STAB1: variants seen among roughly 807,000 people sequenced by gnomAD.
STAB1 encodes stabilin 1, also known as stabilin-1.
A neutral mutation model predicts 332.4 loss-of-function variants in STAB1; 250 were observed. The observed-to-expected ratio is 0.75, with a 90% CI of 0.68 to 0.84. STAB1 has a LOEUF of 0.84. Among genes scored for constraint, STAB1 ranks in the 40% least tolerant of loss-of-function variants. The probability of loss-of-function intolerance (pLI) is 0.00; values close to 1 mark genes in which losing one functional copy is unlikely to be tolerated. For missense variants in STAB1, 3,249 were observed against 3,489.7 expected (o/e 0.93, Z 1.74); for synonymous variants, 1,475 against 1,390.4 (o/e 1.06, Z -1.35).
At chr3:52,496,481 C>T (rs918992579) in intron 1 of STAB1, among the ~76,000 whole-genome samples, 24 of 152,230 alleles carry the variant, frequency 1.6e-4, no homozygotes, top group Non-Finnish European at 2.8e-4. Context: ...CACCATCAGG[C>T]GCTTTCTCTT....
chr3:52,518,441 C>T (rs1434605062), intron 46 of STAB1, 82 bp downstream of exon 46: 1 of 1,570,570 alleles, frequency 6.4e-7, no homozygotes, highest in Non-Finnish European at 8.6e-7. Context: ...AGGGGGTTGG[C>T]TGGTTTGTTC....
At chr3:52,508,448 A>C (rs1233368096) in intron 21 of STAB1, 89 bp downstream of exon 21, 2 of 1,242,298 alleles carry the variant, frequency 1.6e-6, no homozygotes, top group Admixed American at 3.8e-5. Context: ...GTCTGGGCCA[A>C]GCCTGCCACT....
At chr3:52,495,712 T>G (rs900901983) in intron 1 of STAB1, among the ~76,000 whole-genome samples, 2 of 152,110 alleles carry the variant, frequency 1.3e-5, no homozygotes, top group African/African-American at 4.8e-5. Flanking sequence ...CAGCCCACCC[T>G]CCTCTGACTA....
At position 52,516,241 on chromosome 3, in the gene STAB1, G is replaced by A; in HGVS notation, c.4144+3G>A. ...CTACGGGCCCAACTGCACCGGAGGT[G>A]AGGACTGGGGAGGGGCGGGGGTGGG... On this transcript the variant is annotated splice_donor_region_variant and intron_variant, in intron 38 of 68. Coordinates refer to ENST00000321725, the MANE Select transcript of STAB1 (RefSeq NM_015136.3). 4 of 1,609,656 alleles carry A rather than the reference G, an allele frequency of 2.5e-6. No individual in the cohort carries two copies. Among genetic ancestry groups the A allele is most frequent in the Non-Finnish European group, 3.4e-6 (4 of 1,178,470 alleles).
chr3:52,512,289 G>A lies in STAB1; in HGVS notation c.2884-52G>A. 4.5e-6 allele frequency: 7 copies of A among 1,553,220 alleles called. No individual in the cohort carries two copies. In the South Asian group the frequency reaches 7.8e-5, roughly 17 times the overall value. ...AGGCAGAAAGATGGGGGAGGGAGGG[G>A]CCCAGCTGCCATCTGGTTCTGAATG... On this transcript the variant is annotated intron_variant, in intron 26 of 68. Transcript: ENST00000321725.
intron 1 of STAB1, among the ~76,000 whole-genome samples, chr3:52,499,385 C>T (rs111780039): frequency 9.3e-4 from 141 of 152,374 alleles, no homozygotes; most frequent in African/African-American, 3.1e-3. Flanking sequence ...GTGCCCATGC[C>T]GTGGTGGCAG....
chr3:52,522,309 C>T, intron 59 of STAB1, 21 bp from the exon 60 acceptor site: 1 of 1,612,606 alleles, frequency 6.2e-7, no homozygotes, highest in Non-Finnish European at 8.5e-7. Flanking sequence ...GAAGGGCGCC[C>T]ACTGCTCTCT....
chr3:52,515,174 C>A, intron 36 of STAB1, 129 bp downstream of exon 36: 1 of 1,219,768 alleles, frequency 8.2e-7, no homozygotes, highest in Non-Finnish European at 1.2e-6. Context: ...AACTGGGTGG[C>A]TGACGTCCCC....
At position 52,509,855 on chromosome 3, in the gene STAB1, A is replaced by G. The variant is rs1316199334; in HGVS notation, c.2348-15A>G. On this transcript the variant is annotated splice_polypyrimidine_tract_variant and intron_variant, in intron 22 of 68. Coordinates refer to ENST00000321725, the MANE Select transcript of STAB1 (RefSeq NM_015136.3). Reference sequence around the variant, plus strand: ...CCTGCTTCTCAGTTTCCTTGCTCCCATCTACTCCATACAGACTGCGGCTGT... The same window carrying G: ...CCTGCTTCTCAGTTTCCTTGCTCCCGTCTACTCCATACAGACTGCGGCTGT... 1.2e-5 allele frequency: 19 copies of G among 1,612,664 alleles called. No homozygotes were observed. The highest frequency in any genetic ancestry group is 1.4e-5 in the Non-Finnish European group (17 of 1,179,958).
In STAB1 at chr3:52,520,288, G is replaced by T. The variant is rs7630214; in HGVS notation, c.5497G>T (p.Ala1833Ser). 6.2e-7 allele frequency: 1 copy of T among 1,613,090 alleles called. No individual in the cohort carries two copies. Among genetic ancestry groups the T allele is most frequent in the South Asian group, 1.1e-5 (1 of 91,092 alleles). Reference sequence around the variant, plus strand: ...CTCTTTCTCCTGCAGCCGAACGCGGGCCGTGAGTCTGGGGAGAGGGCTTGG... The same window carrying T: ...CTCTTTCTCCTGCAGCCGAACGCGGTCCGTGAGTCTGGGGAGAGGGCTTGG... Reference protein sequence around the residue: ...PISFSCSRTRAGELMVGEDDA... With the variant: ...PISFSCSRTRSGELMVGEDDA... The change falls in exon 52 of 69, where the codon GCC (alanine) becomes TCC (serine). Residue 1833 changes from alanine (A) to serine (S), a missense_variant and splice_region_variant. Physicochemically the swap from Ala to Ser is moderately conservative, Grantham distance 99. Transcript: ENST00000321725.
intron 21 of STAB1, 92 bp downstream of exon 21, chr3:52,508,451 C>A: frequency 8.2e-7 from 1 of 1,213,666 alleles, no homozygotes. Context: ...TGGGCCAAGC[C>A]TGCCACTCTG....
At chr3:52,510,643 G>A in intron 25 of STAB1, 136 bp downstream of exon 25, 5 of 1,174,890 alleles carry the variant, frequency 4.3e-6, no homozygotes, top group Non-Finnish European at 4.7e-6. Flanking sequence ...GTGCTGACAT[G>A]CTGAGTAGTA....
In STAB1 at chr3:52,517,558, C is replaced by T; in HGVS notation, c.4572C>T (p.Cys1524=). ...ATCAAGACTGGGGACAGGTCTCCTG[C>T]AGCTGCCGTGAGGGTTACAGCGGGG... The part of the protein sequence containing the change: ...CIPTGPQQVS[C]SCREGYSGDG... Residue 1524 remains cysteine (C), a synonymous_variant, in exon 44 of 69, where the codon TGC becomes TGT. Transcript: ENST00000321725. 6.2e-7 allele frequency: 1 copy of T among 1,612,746 alleles called. No homozygotes were observed.
Position 52,505,905 on chromosome 3 carries a change from T to C in STAB1, c.1718T>C (p.Leu573Ser), listed in dbSNP as rs1270125480. The change falls in exon 16 of 69, where the codon TTG becomes TCG. Residue 573 changes from leucine (L) to serine (S), a missense_variant. Transcript: ENST00000321725. The part of the protein sequence containing the change: ...FTAGLSKLQE[L>S]VRYHIYNHGQ... ...CAGGGTCTCTCTAAACTGCAGGAGT[T>C]GGTGCGGTACCACATCTACAACCAC... The C allele has an allele frequency of 6.8e-6, 11 of 1,613,914 alleles. No individual in the cohort carries two copies. The highest frequency in any genetic ancestry group is 1.6e-4 in the Middle Eastern group (1 of 6,062).
Position 52,502,694 on chromosome 3 carries a change from TTTG to T in STAB1, c.551_553del (p.Phe184_Ala185delinsSer). 1 of 1,613,814 alleles carries T rather than the reference TTTG, an allele frequency of 6.2e-7. No homozygotes were observed. The highest frequency in any genetic ancestry group is 8.5e-7 in the Non-Finnish European group (1 of 1,179,894). ...ACGTGGGGATGGAAGCTGCCTGTGC[TTTG>T]CTGGATACACTGGCCCCCACTGTGA... On this transcript the variant is annotated inframe_deletion, in exon 6 of 69. Transcript: ENST00000321725.
At position 52,509,245 on chromosome 3, in the gene STAB1, C is replaced by T; in HGVS notation, c.2271C>T (p.Leu757=). Residue 757 remains leucine, a synonymous_variant, in exon 22 of 69, where the codon CTC becomes CTT. Transcript: ENST00000321725. ...GGATCCAGGGCAATGGGGCCTGCCT[C>T]TGCTTCCCAGACTACAAGGGCATCG... ...SDGIQGNGAC[L]CFPDYKGIAC... 6.2e-7 allele frequency: 1 copy of T among 1,613,630 alleles called. No individual in the cohort carries two copies. The highest frequency in any genetic ancestry group is 1.3e-5 in the African/African-American group (1 of 75,068).
At chr3:52,501,474 A>C in intron 2 of STAB1, 164 bp from the exon 3 acceptor site, 1 of 1,145,670 alleles carries the variant, frequency 8.7e-7, no homozygotes, top group East Asian at 2.6e-5. Context: ...GGCGAGGGGC[A>C]GGAGGGGTTT....
At chr3:52,518,196 G>T in intron 45 of STAB1, 116 bp from the exon 46 acceptor site, 1 of 1,546,218 alleles carries the variant, frequency 6.5e-7, no homozygotes, top group Non-Finnish European at 8.8e-7. Context: ...CTCAGACCCC[G>T]CGGCTTTCCT....
intron 22 of STAB1, 93 bp from the exon 23 acceptor site, chr3:52,509,777 G>T: frequency 1.4e-6 from 2 of 1,389,380 alleles, no homozygotes; most frequent in South Asian, 2.4e-5. Context: ...TGTACTGGCT[G>T]CCCCACTCCC....
Sources: allele counts gnomAD v4.1 joint callset (sites outside exome capture counted in the v4.1 genomes callset), GRCh38; gene constraint gnomAD v4.1.1; transcripts MANE v1.5; gene names NCBI Gene and HGNC (gene_info 2026-07-23, HGNC 2026-07-21).